The following MSRA variants were observed in gnomAD, a reference collection of about 807,000 sequenced individuals.
MSRA encodes the protein mitochondrial peptide methionine sulfoxide reductase.
Under a neutral mutation model 31.3 loss-of-function variants are expected in MSRA, and 54 were observed. That is an observed-to-expected ratio of 1.73 (90% CI 1.39 to 2.17). The LOEUF is 2.17. Ranked by LOEUF, MSRA falls within the 30% of genes most tolerant of loss-of-function variation. MSRA has a pLI of 0.00. For missense variants in MSRA, 507 were observed against 300.9 expected, an observed-to-expected ratio of 1.69 and a Z score of -5.07; for synonymous variants, 169 against 116.5, an observed-to-expected ratio of 1.45 and a Z score of -2.90.
chr8:10,266,795 A>T (rs1398095894), intron 3 of MSRA, among the ~76,000 whole-genome samples: 1 of 152,012 alleles, frequency 6.6e-6, no homozygotes, highest in Non-Finnish European at 1.5e-5. Context: ...AAAGGCACAT[A>T]TTGGATCTGT....
intron 1 of MSRA, among the ~76,000 whole-genome samples, chr8:10,149,111 A>G (rs1340619991): frequency 7.1e-6 from 1 of 139,978 alleles, no homozygotes; most frequent in East Asian, 2.2e-4. Context: ...ACATGCCACC[A>G]CACCTGGCTA....
chr8:10,213,193 A>G (rs1307201910), intron 2 of MSRA, among the ~76,000 whole-genome samples: 2 of 152,008 alleles, frequency 1.3e-5, no homozygotes, highest in African/African-American at 4.8e-5. Flanking sequence ...CTGTACCCCT[A>G]CTACCTACCC....
intron 1 of MSRA, among the ~76,000 whole-genome samples, chr8:10,173,005 A>G (rs559381790): frequency 6.6e-6 from 1 of 152,226 alleles, no homozygotes; most frequent in Non-Finnish European, 1.5e-5. Flanking sequence ...GGGAGAGGAT[A>G]GGGAAGAAGA....
At chr8:10,280,960 A>C (rs1266769443) in intron 3 of MSRA, among the ~76,000 whole-genome samples, 1 of 152,230 alleles carries the variant, frequency 6.6e-6, no homozygotes, top group African/African-American at 2.4e-5. Context: ...GGAAAGCTGT[A>C]GAGACAGAAA....
At chr8:10,112,625 C>G (rs576510905) in intron 1 of MSRA, among the ~76,000 whole-genome samples, 3 of 152,324 alleles carry the variant, frequency 2.0e-5, no homozygotes, top group East Asian at 3.9e-4. Context: ...CTACTATGTG[C>G]TAAGCTCCCT....
chr8:10,063,940 T>C (rs1396198501), intron 1 of MSRA, among the ~76,000 whole-genome samples: 6 of 152,212 alleles, frequency 3.9e-5, no homozygotes, highest in African/African-American at 2.4e-5. Flanking sequence ...CTTCTTCCAC[T>C]TCTCTGCCGC....
At chr8:10,341,165 A>G (rs542828818) in intron 5 of MSRA, among the ~76,000 whole-genome samples, 3 of 152,354 alleles carry the variant, frequency 2.0e-5, no homozygotes, top group Admixed American at 2.0e-4. Context: ...GCGTTGCCAT[A>G]AATACCTGAG....
At chr8:10,071,526 C>G (rs974230520) in intron 1 of MSRA, among the ~76,000 whole-genome samples, 18 of 149,046 alleles carry the variant, frequency 1.2e-4, no homozygotes, top group African/African-American at 1.2e-4. Flanking sequence ...TTCCAGCTTC[C>G]TAATTTTTCC....
intron 2 of MSRA, among the ~76,000 whole-genome samples, chr8:10,213,403 T>A (rs1585183991): frequency 6.7e-6 from 1 of 150,312 alleles, no homozygotes. Flanking sequence ...GGCTGAGGAG[T>A]ACTCCATTGT....
chr8:10,377,763 C>T (rs1805834131), intron 5 of MSRA, among the ~76,000 whole-genome samples: 1 of 152,198 alleles, frequency 6.6e-6, no homozygotes, highest in Non-Finnish European at 1.5e-5. Flanking sequence ...CAAACACCCT[C>T]TGGCAAGTGA....
At chr8:10,258,519 C>A (rs1271819030) in intron 3 of MSRA, among the ~76,000 whole-genome samples, 3 of 152,170 alleles carry the variant, frequency 2.0e-5, no homozygotes, top group East Asian at 1.9e-4. Flanking sequence ...CTGATCAATG[C>A]CGAGTTGTCA....
At chr8:10,243,777 G>T (rs182499277) in intron 2 of MSRA, among the ~76,000 whole-genome samples, 160 of 152,206 alleles carry the variant, frequency 1.1e-3, no homozygotes, top group Middle Eastern at 3.4e-3. Context: ...TAATAAAAGT[G>T]CATGTAATTG....
chr8:10,083,642 T>C (rs1031849736), intron 1 of MSRA, among the ~76,000 whole-genome samples: 1 of 152,232 alleles, frequency 6.6e-6, no homozygotes, highest in Non-Finnish European at 1.5e-5. Flanking sequence ...TTTAAGTTTT[T>C]TAGTCTTTTA....
At chr8:10,071,127 T>A (rs908335084) in intron 1 of MSRA, among the ~76,000 whole-genome samples, 1 of 152,226 alleles carries the variant, frequency 6.6e-6, no homozygotes, top group Non-Finnish European at 1.5e-5. Context: ...CAGCAACATA[T>A]GAAGGATCTG....
intron 1 of MSRA, among the ~76,000 whole-genome samples, chr8:10,059,534 G>C (rs565472739): frequency 6.6e-6 from 1 of 152,308 alleles, no homozygotes; most frequent in Non-Finnish European, 1.5e-5. Context: ...TATGAGAACA[G>C]AATGTTTTTA....
At chr8:10,236,965 T>C (rs1460558444) in intron 2 of MSRA, among the ~76,000 whole-genome samples, 1 of 152,234 alleles carries the variant, frequency 6.6e-6, no homozygotes, top group Non-Finnish European at 1.5e-5. Flanking sequence ...AATAAAACCT[T>C]GCGTAAGTCC....
chr8:10,192,987 C>T (rs1302587756), intron 1 of MSRA, among the ~76,000 whole-genome samples: 1 of 152,164 alleles, frequency 6.6e-6, no homozygotes, highest in Non-Finnish European at 1.5e-5. Flanking sequence ...ACCTTCTCAA[C>T]AATAGTTTAC....
chr8:10,289,570 A>G (rs1022701876), intron 3 of MSRA, among the ~76,000 whole-genome samples: 6 of 152,200 alleles, frequency 3.9e-5, no homozygotes, highest in East Asian at 1.9e-4. Flanking sequence ...ATTATTGACT[A>G]TAGTCACCCT....
intron 5 of MSRA, among the ~76,000 whole-genome samples, chr8:10,415,271 G>A (rs1206407053): frequency 6.6e-6 from 1 of 152,208 alleles, no homozygotes; most frequent in East Asian, 1.9e-4. Flanking sequence ...CATCTAGGAA[G>A]TTATGCTTGG....
Sources: allele counts gnomAD v4.1 joint callset (sites outside exome capture counted in the v4.1 genomes callset), GRCh38; gene constraint gnomAD v4.1.1; transcripts MANE v1.5; gene names NCBI Gene and HGNC (gene_info 2026-07-23, HGNC 2026-07-21).